The following RAB36 variants were observed in gnomAD, a reference collection of about 807,000 sequenced individuals.
The protein encoded by RAB36 is RAB36, member RAS oncogene family, also known as ras-related protein Rab-36.
A neutral mutation model predicts 39.3 loss-of-function variants in RAB36; 33 were observed. The ratio of observed to expected loss-of-function variants is 0.84; its 90% CI spans 0.64 to 1.12. RAB36 has a LOEUF of 1.12. Ranked by LOEUF, RAB36 falls within the 50% of genes most tolerant of loss-of-function variation. The probability of loss-of-function intolerance (pLI) is 0.00; values close to 1 mark genes in which losing one functional copy is unlikely to be tolerated. For missense variants in RAB36, 308 were observed against 355.3 expected, an observed-to-expected ratio of 0.87 and a Z score of 1.07; for synonymous variants, 133 against 140.2, an observed-to-expected ratio of 0.95 and a Z score of 0.36.
chr22:23,168,439 T>C (rs1164208472), downstream of RAB36, among the ~76,000 whole-genome samples: 1 of 152,032 alleles, frequency 6.6e-6, no homozygotes, highest in East Asian at 1.9e-4. Context: ...GGACCCCTCC[T>C]CTCCTGAGGG....
intron 5 of RAB36, among the ~76,000 whole-genome samples, chr22:23,155,273 T>C (rs1307726795): frequency 6.6e-6 from 1 of 152,262 alleles, no homozygotes; most frequent in Non-Finnish European, 1.5e-5. Context: ...GCATAGTGAC[T>C]ACCTGCCTTG....
chr22:23,156,380 G>A lies in RAB36; in HGVS notation c.394+348G>A, dbSNP rs568532909. On this transcript the variant is annotated intron_variant, in intron 6 of 10. Transcript: ENST00000263116. ...GGGGAGGTCGGAGGAGGCTTGTCCT[G>A]TCTTAGCAGAGGGGGCTGGGCCAGG... The A allele has an allele frequency of 1.1e-3, 241 of 226,244 alleles. 1 individual carries two copies. The highest frequency in any genetic ancestry group is 8.5e-3 in the South Asian group (184 of 21,580). 14.0% of individuals were successfully genotyped at this position (226,244 alleles called of 1,614,324 possible).
At chr22:23,165,990 C>CA (rs1431413294), downstream of RAB36, among the ~76,000 whole-genome samples, 2 of 151,544 alleles carry the variant, frequency 1.3e-5, no homozygotes, top group African/African-American at 2.4e-5. Context: ...ACTAAAAATA[C>CA]AAAAAATTAG....
downstream of RAB36, among the ~76,000 whole-genome samples, chr22:23,169,237 C>G (rs553053787): frequency 6.6e-6 from 1 of 152,226 alleles, no homozygotes; most frequent in African/African-American, 2.4e-5. Context: ...ATCTTTGCTC[C>G]GCACTCTGGC....
chr22:23,158,578 G>A (rs1004723177), intron 7 of RAB36, among the ~76,000 whole-genome samples: 3 of 152,216 alleles, frequency 2.0e-5, no homozygotes, highest in South Asian at 2.1e-4. Context: ...TCCAAACCCC[G>A]TGAGGGAGGC....
chr22:23,156,130 T>G, intron 6 of RAB36, 98 bp downstream of exon 6: 1 of 758,292 alleles, frequency 1.3e-6, no homozygotes, highest in Non-Finnish European at 2.0e-6. Flanking sequence ...CAGGCACCAG[T>G]TTTTTGTCCT....
At chr22:23,168,236 C>A (rs1430251592), downstream of RAB36, among the ~76,000 whole-genome samples, 1 of 152,186 alleles carries the variant, frequency 6.6e-6, no homozygotes, top group Admixed American at 6.5e-5. Context: ...TGGGTCCACA[C>A]AGGCAGGGCT....
At chr22:23,156,311 A>T in intron 6 of RAB36, 1 of 352,940 alleles carries the variant, frequency 2.8e-6, no homozygotes, top group South Asian at 2.6e-5. Context: ...CAGAGATGAA[A>T]GTGCTTTTCC....
chr22:23,152,338 C>G, intron 3 of RAB36, 123 bp from the exon 4 acceptor site: 1 of 964,982 alleles, frequency 1.0e-6, no homozygotes, highest in Non-Finnish European at 1.7e-6. Flanking sequence ...CAGGGTGGCC[C>G]ATCCTGTGTC....
rs1287855701 is a variant in RAB36 at position 23,146,648 on chromosome 22, C to T, written c.32C>T (p.Pro11Leu). 5 of 1,614,088 alleles carry T rather than the reference C, an allele frequency of 3.1e-6. No individual in the cohort carries two copies. Among genetic ancestry groups the T allele is most frequent in the Admixed American group, 3.3e-5 (2 of 60,018 alleles). Residue 11 changes from proline (P) to leucine (L), a missense_variant, in exon 2 of 11, where the codon CCT (proline) becomes CTT (leucine). Pro to Leu is a moderately conservative substitution (Grantham distance 98, BLOSUM62 -3). Transcript: ENST00000263116. The stretch of plus-strand genomic sequence containing the variant: ...TCCTCCCTGACACCTTTGGGGCCCC[C>T]TGTGAGCCGCGACCGTGTCATCGCC... MRSSLTPLGP[P>L]VSRDRVIASF...
rs1005356015 is a variant in RAB36 at position 23,163,875 on chromosome 22, C to G, written c.*2311C>G. On this transcript the variant is annotated 3_prime_UTR_variant, in exon 11 of 11. Coordinates refer to ENST00000263116, the MANE Select transcript of RAB36 (RefSeq NM_004914.5). ...GCGCCAAGGCCTCTCCCTGATGGCA[C>G]ACAAGGAGCCTCCTTCCTGTAGCAG... 1 of 152,262 alleles carries G rather than the reference C, an allele frequency of 6.6e-6. No individual in the cohort carries two copies. Among genetic ancestry groups the G allele is most frequent in the Non-Finnish European group, 1.5e-5 (1 of 68,054 alleles). The allele number at this position is 152,262 out of a possible 1,614,324, so 9.4% of individuals were successfully genotyped here. A position where few individuals can be genotyped will look rare whatever the true frequency, so the allele number is the denominator to read the frequency against.
Position 23,146,685 on chromosome 22 carries a change from G to A in RAB36, c.69G>A (p.Lys23=). The change falls in exon 2 of 11, where the codon AAG becomes AAA. Residue 23 remains lysine (K), a splice_region_variant and synonymous_variant. Transcript: ENST00000263116. The part of the protein sequence containing the change: ...SRDRVIASFP[K]WYTPEACLQL... ...ACCGTGTCATCGCCAGCTTCCCTAA[G>A]GTAGAGAGTCATTACGTCTGCAGTG... is the stretch of plus-strand genomic sequence containing the variant. 1 of 1,613,838 alleles carries A rather than the reference G, an allele frequency of 6.2e-7. No individual in the cohort carries two copies. Among genetic ancestry groups the A allele is most frequent in the Non-Finnish European group, 8.5e-7 (1 of 1,179,848 alleles).
At chr22:23,148,053 C>T (rs1264368531) in intron 2 of RAB36, among the ~76,000 whole-genome samples, 1 of 152,120 alleles carries the variant, frequency 6.6e-6, no homozygotes, top group Non-Finnish European at 1.5e-5. Context: ...AGATCCTCTC[C>T]ATGGAATGGC....
At chr22:23,153,832 G>A (rs756073964) in intron 5 of RAB36, among the ~76,000 whole-genome samples, 22 of 151,410 alleles carry the variant, frequency 1.5e-4, no homozygotes, top group Non-Finnish European at 2.6e-4. Context: ...CAACAGCTGT[G>A]TGCCCCCACA....
At position 23,152,543 on chromosome 22, in the gene RAB36, G is replaced by GC. The variant is rs1274965132; in HGVS notation, c.227+21dup. 6.2e-6 allele frequency: 10 copies of GC among 1,613,094 alleles called. No individual in the cohort carries two copies. The highest frequency in any genetic ancestry group is 8.5e-6 in the Non-Finnish European group (10 of 1,179,124). ...CATCCACAGGTACAAGGCTTCCTCT[G>GC]CCCCTTTGGCCACCTCCCCCAGCAC... On this transcript the variant is annotated intron_variant, in intron 4 of 10. Transcript: ENST00000263116.
Position 23,158,026 on chromosome 22 carries a change from G to C in RAB36, c.429G>C (p.Gln143His). Residue 143 changes from glutamine to histidine, a missense_variant, in exon 7 of 11, where the codon CAG becomes CAC. Physicochemically the swap from Gln to His is conservative, Grantham distance 24. Coordinates refer to ENST00000263116, the MANE Select transcript of RAB36 (RefSeq NM_004914.5). ...IITAFDLTDV[Q>H]TLEHTRQWLE... is the part of the protein sequence containing the mutation. ...CGGCCTTTGACCTCACTGACGTGCAGACCCTGGAGCATACCAGGTAAGTCT... is the reference window on the plus strand; with the variant it reads ...CGGCCTTTGACCTCACTGACGTGCACACCCTGGAGCATACCAGGTAAGTCT... 6.2e-7 allele frequency: 1 copy of C among 1,614,196 alleles called. No individual in the cohort carries two copies. Among genetic ancestry groups the C allele is most frequent in the Middle Eastern group, 1.7e-4 (1 of 6,060 alleles).
intron 6 of RAB36, among the ~76,000 whole-genome samples, chr22:23,157,328 G>A (rs1341539911): frequency 1.3e-5 from 2 of 151,456 alleles, no homozygotes; most frequent in Non-Finnish European, 2.9e-5. Flanking sequence ...TCGGCTCACT[G>A]CAAGCTCCGC....
At position 23,156,020 on chromosome 22, in the gene RAB36, C is replaced by T. The variant is rs374813820; in HGVS notation, c.382C>T (p.Arg128Trp). 52 of 1,612,348 alleles carry T rather than the reference C, an allele frequency of 3.2e-5. No individual in the cohort carries two copies. The highest frequency in any genetic ancestry group is 5.5e-5 in the South Asian group (5 of 90,764). Residue 128 changes from arginine to tryptophan, a missense_variant, in exon 6 of 11, where the codon CGG becomes TGG. By Grantham distance (101) the Arg-to-Trp change is moderately radical (BLOSUM62 -3). Coordinates refer to ENST00000263116, the MANE Select transcript of RAB36 (RefSeq NM_004914.5). ...KFKCIASAYY[R>W]GAQVIITAFD... Reference sequence around the variant, plus strand: ...CAAGTGCATCGCATCTGCCTACTACCGGGGTGCCCAGGGTGAGCAACATGC... The same window carrying T: ...CAAGTGCATCGCATCTGCCTACTACTGGGGTGCCCAGGGTGAGCAACATGC...
intron 3 of RAB36, among the ~76,000 whole-genome samples, chr22:23,151,256 G>A (rs1182068238): frequency 1.3e-5 from 2 of 152,238 alleles, no homozygotes; most frequent in African/African-American, 4.8e-5. Context: ...CATATCAGGT[G>A]CTTCACACAG....
Sources: gnomAD v4.1 joint callset for allele counts (sites outside exome capture counted in the v4.1 genomes callset) on GRCh38, gnomAD v4.1.1 for gene constraint, MANE v1.5 for transcripts, NCBI Gene and HGNC (gene_info 2026-07-23, HGNC 2026-07-21) for gene names.